ZFAND6: variants seen among roughly 807,000 people sequenced by gnomAD.
ZFAND6 encodes zinc finger AN1-type containing 6, also known as AN1-type zinc finger protein 6.
A neutral mutation model predicts 24.5 loss-of-function variants in ZFAND6; 12 were observed. The observed-to-expected ratio is 0.49, with a 90% CI of 0.31 to 0.79. The LOEUF (loss-of-function observed/expected upper bound fraction) is 0.79. ZFAND6 is among the 30% of genes least tolerant of loss of function. ZFAND6 has a pLI of 0.04. For synonymous variants in ZFAND6, 92 were observed against 81.5 expected, an observed-to-expected ratio of 1.13 and a Z score of -0.69; for missense variants, 207 against 245.9, an observed-to-expected ratio of 0.84 and a Z score of 1.06.
At chr15:80,136,856 GAATTA>G (rs1318417155) in intron 6 of ZFAND6, among the ~76,000 whole-genome samples, 1 of 152,164 alleles carries the variant, frequency 6.6e-6, no homozygotes, top group African/African-American at 2.4e-5. Flanking sequence ...CATATGTTCA[GAATTA>G]AATTCCTTCC....
chr15:80,063,456 A>C (rs976504919), intron 1 of ZFAND6, among the ~76,000 whole-genome samples: 1 of 151,896 alleles, frequency 6.6e-6, no homozygotes, highest in Non-Finnish European at 1.5e-5. Context: ...CAACGGTGCG[A>C]TCTCAGCTCA....
At chr15:80,074,806 AT>A (rs1313294689) in intron 1 of ZFAND6, among the ~76,000 whole-genome samples, 3 of 152,028 alleles carry the variant, frequency 2.0e-5, no homozygotes, top group Non-Finnish European at 4.4e-5. Context: ...TGAAATAGGC[AT>A]AACTGGCTTA....
chr15:80,089,985 C>T (rs759932606), intron 1 of ZFAND6, among the ~76,000 whole-genome samples: 257 of 152,238 alleles, frequency 1.7e-3, no homozygotes, highest in Admixed American at 3.3e-3. Context: ...CCACCATAAA[C>T]CAAAACAATC....
intron 1 of ZFAND6, among the ~76,000 whole-genome samples, chr15:80,065,002 C>T (rs12593864): frequency 0.069 from 4,700 of 68,220 alleles, 388 homozygotes; most frequent in East Asian, 0.28. Context: ...CTCTCTCCCC[C>T]TTTTTTTTTT....
At chr15:80,103,100 A>G (rs1409850008) in intron 2 of ZFAND6, among the ~76,000 whole-genome samples, 1 of 152,242 alleles carries the variant, frequency 6.6e-6, no homozygotes, top group African/African-American at 2.4e-5. Context: ...CTAAAAGGTC[A>G]GCAAGAGCTG....
chr15:80,122,295 T>C (rs1423069170), intron 4 of ZFAND6, among the ~76,000 whole-genome samples: 4 of 152,198 alleles, frequency 2.6e-5, no homozygotes, highest in Non-Finnish European at 5.9e-5. Flanking sequence ...ATTTTTATTC[T>C]GCTTTTAGGA....
intron 2 of ZFAND6, among the ~76,000 whole-genome samples, chr15:80,107,818 G>A (rs1194905209): frequency 1.5e-5 from 2 of 131,918 alleles, no homozygotes; most frequent in Non-Finnish European, 3.1e-5. Context: ...AAACTCTGTC[G>A]AAAAGAGGAG....
At chr15:80,135,913 C>T (rs1260645723) in intron 6 of ZFAND6, among the ~76,000 whole-genome samples, 1 of 152,206 alleles carries the variant, frequency 6.6e-6, no homozygotes, top group African/African-American at 2.4e-5. Flanking sequence ...CACCTGAGGC[C>T]AGGAGTTGAA....
intron 2 of ZFAND6, chr15:80,115,074 A>G (rs2039810251): frequency 6.6e-6 from 1 of 152,160 alleles, no homozygotes; most frequent in African/African-American, 2.4e-5. Context: ...AACTTGGGCA[A>G]GTTACTAAGT....
chr15:80,091,891 C>T (rs1340110176), intron 1 of ZFAND6, among the ~76,000 whole-genome samples: 1 of 152,210 alleles, frequency 6.6e-6, no homozygotes, highest in African/African-American at 2.4e-5. Context: ...CCTCTCACCT[C>T]AGCCTCCCAA....
rs745811621 is a variant in ZFAND6 at position 80,137,460 on chromosome 15, G to A, written c.479-20G>A. On this transcript the variant is annotated intron_variant, in intron 6 of 6. Coordinates refer to ENST00000261749, the MANE Select transcript of ZFAND6 (RefSeq NM_019006.4). ...ATATTTCATCCTTCAACTCATGTAT[G>A]TGTATTACTCCATTTCCAGGGTTTG... The A allele has an allele frequency of 1.3e-6, 2 of 1,592,958 alleles. No homozygotes were observed. The highest frequency in any genetic ancestry group is 1.7e-6 in the Non-Finnish European group (2 of 1,174,082).
intron 1 of ZFAND6, among the ~76,000 whole-genome samples, chr15:80,091,160 GGTGTGTGTGT>G (rs61706731): frequency 4.7e-5 from 7 of 150,166 alleles, no homozygotes; most frequent in African/African-American, 1.5e-4. Context: ...GTTGTTAAGG[GGTGTGTGTGT>G]GTGTGTGTGT....
At chr15:80,082,727 A>C (rs1277627416) in intron 1 of ZFAND6, among the ~76,000 whole-genome samples, 1 of 152,214 alleles carries the variant, frequency 6.6e-6, no homozygotes, top group Non-Finnish European at 1.5e-5. Context: ...GAAACTGGTA[A>C]GAGTTCCAGA....
intron 5 of ZFAND6, among the ~76,000 whole-genome samples, chr15:80,125,438 A>G (rs2040334772): frequency 1.3e-5 from 2 of 152,360 alleles, no homozygotes; most frequent in Middle Eastern, 3.4e-3. Context: ...TAATTGGAAC[A>G]TTCAGAACAA....
At chr15:80,071,135 A>G (rs890118346) in intron 1 of ZFAND6, among the ~76,000 whole-genome samples, 1 of 152,208 alleles carries the variant, frequency 6.6e-6, no homozygotes, top group African/African-American at 2.4e-5. Context: ...CCTAGTTGCA[A>G]TTATGTGAAT....
rs138564167 is a variant in ZFAND6 at position 80,099,333 on chromosome 15, C to G, written c.-18+755C>G. ...TCTTAATTGGATGTTTTTTCTCTCT[C>G]TTTAGAAGAATGCATTGTTTGTACA... On this transcript the variant is annotated intron_variant, in intron 2 of 6. Coordinates refer to ENST00000261749, the MANE Select transcript of ZFAND6 (RefSeq NM_019006.4). 7.4e-3 allele frequency among the ~76,000 whole-genome samples: 1,119 copies of G among 152,098 alleles called. 9 individuals are homozygous for G. The highest frequency in any genetic ancestry group is 0.021 in the African/African-American group (888 of 41,496).
intron 1 of ZFAND6, among the ~76,000 whole-genome samples, chr15:80,076,380 C>CT (rs11413395): frequency 0.091 from 13,431 of 147,844 alleles, 667 homozygotes; most frequent in East Asian, 0.18. Flanking sequence ...TAGAATCAAT[C>CT]TTTTTTTTTT....
intron 2 of ZFAND6, among the ~76,000 whole-genome samples, chr15:80,118,202 A>C (rs2039980662): frequency 1.3e-5 from 2 of 151,894 alleles, no homozygotes; most frequent in African/African-American, 4.8e-5. Context: ...GCTCACTGCA[A>C]CCTCCGCCTT....
At chr15:80,071,523 T>C (rs887311911) in intron 1 of ZFAND6, among the ~76,000 whole-genome samples, 1 of 152,160 alleles carries the variant, frequency 6.6e-6, no homozygotes, top group African/African-American at 2.4e-5. Flanking sequence ...AATTAAAATA[T>C]ATAAACTTAT....
Sources: gnomAD v4.1 joint callset for allele counts (sites outside exome capture counted in the v4.1 genomes callset) on GRCh38, gnomAD v4.1.1 for gene constraint, MANE v1.5 for transcripts, NCBI Gene and HGNC (gene_info 2026-07-23, HGNC 2026-07-21) for gene names.